The following GUCY2C variants were observed in gnomAD, a reference collection of about 807,000 sequenced individuals.
GUCY2C encodes the protein guanylyl cyclase C.
GUCY2C carries 118 observed loss-of-function variants against 131.1 expected under a neutral mutation model. The observed-to-expected ratio is 0.90, with a 90% CI of 0.78 to 1.05. GUCY2C has a LOEUF of 1.05. Among genes scored for constraint, GUCY2C ranks in the 50% least tolerant of loss-of-function variants. The pLI, the probability that GUCY2C is intolerant of heterozygous loss-of-function variation, is 0.00. For synonymous variants in GUCY2C, 452 were observed against 457.8 expected, an observed-to-expected ratio of 0.99 and a Z score of 0.16; for missense variants, 1,161 against 1,304.4, an observed-to-expected ratio of 0.89 and a Z score of 1.69.
Position 14,669,729 on chromosome 12 carries a change from T to G in GUCY2C, c.1275A>C (p.Thr425=). ...WKNSKLPNDI[T]GRGPQILMIA... The stretch of plus-strand genomic sequence containing the variant: ...TCATTAGGGATATCTTACCCCGGCC[T>G]GTAATATCATTAGGAAGTTTAGAGT... Residue 425 remains threonine (T), a synonymous_variant, in exon 10 of 27, where the codon ACA becomes ACC. Transcript: ENST00000261170. The G allele has an allele frequency of 6.6e-7, 1 of 1,522,110 alleles. No homozygotes were observed. Among genetic ancestry groups the G allele is most frequent in the South Asian group, 1.1e-5 (1 of 87,192 alleles). The allele number at this position is 1,522,110 out of a possible 1,614,324, so 94.3% of individuals were successfully genotyped here.
chr12:14,695,876 T>C (rs1424360979), intron 1 of GUCY2C, among the ~76,000 whole-genome samples: 1 of 152,180 alleles, frequency 6.6e-6, no homozygotes, highest in African/African-American at 2.4e-5. Context: ...CAGGCTGGTC[T>C]TGAACTCCCG....
In GUCY2C at chr12:14,669,808, G is replaced by A. The variant is rs1159423242; in HGVS notation, c.1196C>T (p.Thr399Ile). 1 of 1,586,078 alleles carries A rather than the reference G, an allele frequency of 6.3e-7. No homozygotes were observed. Among genetic ancestry groups the A allele is most frequent in the Admixed American group, 1.7e-5 (1 of 58,566 alleles). Residue 399 changes from threonine (T) to isoleucine (I), a missense_variant, in exon 10 of 27, where the codon ACC becomes ATC. By Grantham distance (89) the Thr-to-Ile change is moderately conservative. Transcript: ENST00000261170. ...CACAGGATAGGTCTTATTTACGTGG[G>A]TATCATAGGTCAAAAGAACCTTGTA... ...KKYKVLLTYD[T>I]HVNKTYPVDM...
At position 14,674,206 on chromosome 12, in the gene GUCY2C, T is replaced by G. The variant is rs7138991; in HGVS notation, c.1084+419A>C. On this transcript the variant is annotated intron_variant, in intron 8 of 26. Transcript: ENST00000261170. ...TGTGTTGTTTTGGAGGGTATTATTTTGTGGAGTTTTGATAGCTAAAGGTTT... is the reference window on the plus strand; with the variant it reads ...TGTGTTGTTTTGGAGGGTATTATTTGGTGGAGTTTTGATAGCTAAAGGTTT... 2,338 of 236,590 alleles carry G rather than the reference T, an allele frequency of 9.9e-3. 62 individuals carry two copies. The highest frequency in any genetic ancestry group is 0.049 in the African/African-American group (2,203 of 44,556). The allele number at this position is 236,590 out of a possible 1,614,324, so 14.7% of individuals were successfully genotyped here.
Position 14,614,814 on chromosome 12 carries a change from C to G in GUCY2C, c.3047+53G>C, listed in dbSNP as rs1444182627. 3 of 1,141,456 alleles carry G rather than the reference C, an allele frequency of 2.6e-6. No individual in the cohort carries two copies. In the African/African-American group the frequency reaches 4.7e-5, roughly 18 times the overall value. The allele number at this position is 1,141,456 out of a possible 1,614,324, so 70.7% of individuals were successfully genotyped here. A position where few individuals can be genotyped will look rare whatever the true frequency, so the allele number is the denominator to read the frequency against. On this transcript the variant is annotated intron_variant, in intron 26 of 26. Coordinates refer to ENST00000261170, the MANE Select transcript of GUCY2C (RefSeq NM_004963.4). ...GCCAATTTAAATTGGCTGTAACTAACAAAGCCAAGATCTCTAATTTCCTCC... is the reference window on the plus strand; with the variant it reads ...GCCAATTTAAATTGGCTGTAACTAAGAAAGCCAAGATCTCTAATTTCCTCC...
intron 1 of GUCY2C, among the ~76,000 whole-genome samples, chr12:14,690,352 T>A (rs1948552046): frequency 6.6e-6 from 1 of 152,190 alleles, no homozygotes; most frequent in Non-Finnish European, 1.5e-5. Context: ...GGTCTTTGTA[T>A]AATGGAGAAC....
At chr12:14,626,417 G>A (rs1947019607) in intron 20 of GUCY2C, among the ~76,000 whole-genome samples, 1 of 152,168 alleles carries the variant, frequency 6.6e-6, no homozygotes. Flanking sequence ...ATCAACGTAG[G>A]AGAAGGAGGA....
At chr12:14,623,015 A>T (rs1946926249) in intron 21 of GUCY2C, among the ~76,000 whole-genome samples, 1 of 152,202 alleles carries the variant, frequency 6.6e-6, no homozygotes. Flanking sequence ...ATCACTTTGT[A>T]GTGGCCCTCA....
intron 18 of GUCY2C, among the ~76,000 whole-genome samples, chr12:14,640,350 G>C (rs1947369333): frequency 6.6e-6 from 1 of 151,550 alleles, no homozygotes; most frequent in Non-Finnish European, 1.5e-5. Context: ...CCAGCTACTT[G>C]GAAGGCTGAG....
At chr12:14,670,575 TC>T (rs1341999036) in intron 9 of GUCY2C, among the ~76,000 whole-genome samples, 4 of 152,046 alleles carry the variant, frequency 2.6e-5, no homozygotes, top group African/African-American at 9.7e-5. Context: ...CTCCCAGACT[TC>T]CCACGTGTTG....
Position 14,651,515 on chromosome 12 carries a change from G to A in GUCY2C, c.1606-4C>T, listed in dbSNP as rs1428333749. 4 of 1,523,872 alleles carry A rather than the reference G, an allele frequency of 2.6e-6. No individual in the cohort carries two copies. Among genetic ancestry groups the A allele is most frequent in the Non-Finnish European group, 3.6e-6 (4 of 1,100,392 alleles). The allele number at this position is 1,523,872 out of a possible 1,614,324, so 94.4% of individuals were successfully genotyped here. A position where few individuals can be genotyped will look rare whatever the true frequency, so the allele number is the denominator to read the frequency against. ...TGTAATAGTCAATCTGAAGCAACTA[G>A]AAGAACGTGTTTGTTTACAAAGCAA... On this transcript the variant is annotated splice_region_variant and splice_polypyrimidine_tract_variant and intron_variant, in intron 14 of 26. Coordinates refer to ENST00000261170, the MANE Select transcript of GUCY2C (RefSeq NM_004963.4).
intron 15 of GUCY2C, among the ~76,000 whole-genome samples, chr12:14,648,699 T>G (rs1315805432): frequency 1.3e-5 from 2 of 152,240 alleles, no homozygotes; most frequent in Non-Finnish European, 2.9e-5. Context: ...ATAAATATCT[T>G]TCTTTCAGAG....
chr12:14,671,043 C>T (rs953771232), intron 9 of GUCY2C, among the ~76,000 whole-genome samples: 6 of 151,696 alleles, frequency 4.0e-5, no homozygotes, highest in African/African-American at 9.7e-5. Flanking sequence ...GACCAGCCCC[C>T]GTGATTCAAT....
chr12:14,639,565 C>T (rs982132748), intron 19 of GUCY2C, among the ~76,000 whole-genome samples: 2 of 152,030 alleles, frequency 1.3e-5, no homozygotes, highest in African/African-American at 4.8e-5. Flanking sequence ...CACATATGTC[C>T]TAATAGAAAG....
In GUCY2C at chr12:14,619,440, A is replaced by C. The variant is rs1016337421; in HGVS notation, c.2777-131T>G. On this transcript the variant is annotated intron_variant, in intron 23 of 26. Coordinates refer to ENST00000261170, the MANE Select transcript of GUCY2C (RefSeq NM_004963.4). ...CATGGAGAAGTAGCTGAGGATGTGAAATGTGAGCTGGGACTTTTGGTTTAA... is the reference window on the plus strand; with the variant it reads ...CATGGAGAAGTAGCTGAGGATGTGACATGTGAGCTGGGACTTTTGGTTTAA... 4.9e-6 allele frequency: 3 copies of C among 617,004 alleles called. No homozygotes were observed. The African/African-American group carries it at 5.4e-5, about 11-fold the overall frequency. 38.2% of individuals were successfully genotyped at this position (617,004 alleles called of 1,614,324 possible).
At chr12:14,679,406 A>G (rs945530314) in intron 6 of GUCY2C, among the ~76,000 whole-genome samples, 3 of 152,148 alleles carry the variant, frequency 2.0e-5, no homozygotes, top group Non-Finnish European at 4.4e-5. Context: ...TCATAAATGG[A>G]CATGTGGGTT....
chr12:14,646,477 T>C (rs1457781040), intron 15 of GUCY2C, among the ~76,000 whole-genome samples: 1 of 152,150 alleles, frequency 6.6e-6, no homozygotes, highest in Non-Finnish European at 1.5e-5. Context: ...CATTCACCCA[T>C]CCTACCCTGT....
intron 8 of GUCY2C, 28 bp from the exon 9 acceptor site, chr12:14,672,986 GC>G: frequency 1.5e-6 from 2 of 1,342,902 alleles, no homozygotes; most frequent in East Asian, 2.3e-5. Flanking sequence ...TATGTTAGAG[GC>G]CATTCTTGAT....
At chr12:14,625,990 A>G in intron 20 of GUCY2C, 75 bp from the exon 21 acceptor site, 1 of 857,048 alleles carries the variant, frequency 1.2e-6, no homozygotes, top group Non-Finnish European at 1.9e-6. Flanking sequence ...CAATGGACAA[A>G]TATGATGAAC....
intron 9 of GUCY2C, among the ~76,000 whole-genome samples, chr12:14,670,643 C>T (rs1948086122): frequency 6.6e-6 from 1 of 151,652 alleles, no homozygotes; most frequent in Admixed American, 6.6e-5. Flanking sequence ...CCCTGCTATT[C>T]TCGTGGTAGT....
Sources: gnomAD v4.1 joint callset for allele counts (sites outside exome capture counted in the v4.1 genomes callset) on GRCh38, gnomAD v4.1.1 for gene constraint, MANE v1.5 for transcripts, NCBI Gene and HGNC (gene_info 2026-07-23, HGNC 2026-07-21) for gene names.